Variants in CDYL observed in about 807,000 individuals in gnomAD.
The protein encoded by CDYL is chromodomain Y like, also known as chromodomain Y-like protein.
In CDYL, 8 loss-of-function variants were observed where a neutral mutation model predicts 47.3. That is an observed-to-expected ratio of 0.17 (90% CI 0.10 to 0.31). The LOEUF (loss-of-function observed/expected upper bound fraction) is 0.31. Ranked by LOEUF, CDYL falls within the 10% of genes least tolerant of loss-of-function variation. The probability of loss-of-function intolerance (pLI) is 1.00; values close to 1 mark genes in which losing one functional copy is unlikely to be tolerated. For missense variants in CDYL, 471 were observed against 701.4 expected, an observed-to-expected ratio of 0.67 and a Z score of 3.71; for synonymous variants, 266 against 265.0, an observed-to-expected ratio of 1.00 and a Z score of -0.04.
At chr6:4,952,965 A>G (rs968621219) in intron 6 of CDYL, among the ~76,000 whole-genome samples, 3 of 151,836 alleles carry the variant, frequency 2.0e-5, no homozygotes, top group Non-Finnish European at 4.4e-5. Context: ...ACGGAGTCTC[A>G]CCACGTTGGC....
At chr6:4,922,949 T>TG (rs1757760747) in intron 2 of CDYL, among the ~76,000 whole-genome samples, 6 of 152,192 alleles carry the variant, frequency 3.9e-5, no homozygotes, top group African/African-American at 9.7e-5. Flanking sequence ...TCCCCCCTTT[T>TG]ATTTTTTACT....
intron 2 of CDYL, chr6:4,724,398 T>G (rs371732203): frequency 6.6e-6 from 1 of 152,340 alleles, no homozygotes; most frequent in South Asian, 2.1e-4. Context: ...TCGTGTAACA[T>G]GTCAGGGCTT....
At chr6:4,848,991 A>C (rs1760745082) in intron 1 of CDYL, among the ~76,000 whole-genome samples, 1 of 152,258 alleles carries the variant, frequency 6.6e-6, no homozygotes, top group Non-Finnish European at 1.5e-5. Flanking sequence ...TTAAAAAGAT[A>C]AGTAATGTAA....
Position 4,937,553 on chromosome 6 carries a change from G to T in CDYL, c.949-12G>T. The T allele has an allele frequency of 6.6e-7, 1 of 1,518,212 alleles. No individual in the cohort carries two copies. Among genetic ancestry groups the T allele is most frequent in the South Asian group, 1.2e-5 (1 of 80,326 alleles). The allele number at this position is 1,518,212 out of a possible 1,614,324, so 94.0% of individuals were successfully genotyped here. ...AATATTCTTTGCCACTTTAACTTCTGGTGACTTTCAGGTAATGAGAGAAGT... is the reference window on the plus strand; with the variant it reads ...AATATTCTTTGCCACTTTAACTTCTTGTGACTTTCAGGTAATGAGAGAAGT... On this transcript the variant is annotated splice_polypyrimidine_tract_variant and intron_variant, in intron 3 of 6. Coordinates refer to ENST00000397588, the MANE Select transcript of CDYL (RefSeq NM_004824.4).
At chr6:4,834,319 T>A (rs1026408711) in intron 1 of CDYL, among the ~76,000 whole-genome samples, 1 of 149,870 alleles carries the variant, frequency 6.7e-6, no homozygotes, top group African/African-American at 2.4e-5. Context: ...ATTTTATTTC[T>A]CCTTCACTTA....
At chr6:4,786,646 G>C (rs1160484171) in intron 1 of CDYL, among the ~76,000 whole-genome samples, 1 of 152,106 alleles carries the variant, frequency 6.6e-6, no homozygotes, top group African/African-American at 2.4e-5. Context: ...CTCGAGTCTC[G>C]CTGTTTATTC....
Position 4,954,281 on chromosome 6 carries a change from A to T in CDYL, c.*225A>T. Reference sequence around the variant, plus strand: ...TTCTTTGTCCAAACGTCATTATTTTATACTTATATACACGCAGGTGTAAAA... The same window carrying T: ...TTCTTTGTCCAAACGTCATTATTTTTTACTTATATACACGCAGGTGTAAAA... On this transcript the variant is annotated 3_prime_UTR_variant, in exon 7 of 7. Coordinates refer to ENST00000397588, the MANE Select transcript of CDYL (RefSeq NM_004824.4). The T allele has an allele frequency of 2.4e-6, 1 of 420,844 alleles. No individual in the cohort carries two copies. The highest frequency in any genetic ancestry group is 4.2e-6 in the Non-Finnish European group (1 of 236,428). The allele number at this position is 420,844 out of a possible 1,614,324, so 26.1% of individuals were successfully genotyped here.
At chr6:4,946,648 G>T (rs1220960101) in intron 5 of CDYL, among the ~76,000 whole-genome samples, 1 of 152,172 alleles carries the variant, frequency 6.6e-6, no homozygotes, top group Non-Finnish European at 1.5e-5. Context: ...CTGTGCATCT[G>T]CCGCGGGCCC....
At chr6:4,736,033 ATGT>A (rs1325115794) in intron 3 of CDYL, among the ~76,000 whole-genome samples, 2 of 152,096 alleles carry the variant, frequency 1.3e-5, no homozygotes, top group Admixed American at 6.6e-5. Flanking sequence ...TATAAGGGAA[ATGT>A]TGTACCCTTT....
intron 3 of CDYL, among the ~76,000 whole-genome samples, chr6:4,768,573 T>C (rs143984683): frequency 1.3e-5 from 2 of 152,172 alleles, no homozygotes; most frequent in African/African-American, 2.4e-5. Context: ...TGAGTCTCAA[T>C]TGATATAAAA....
chr6:4,789,499 C>T (rs1250438581), intron 1 of CDYL, among the ~76,000 whole-genome samples: 1 of 152,134 alleles, frequency 6.6e-6, no homozygotes, highest in Non-Finnish European at 1.5e-5. Flanking sequence ...AGCCTCCCCG[C>T]CCTAGGCATC....
intron 1 of CDYL, among the ~76,000 whole-genome samples, chr6:4,888,181 G>A (rs1000956469): frequency 6.6e-6 from 1 of 152,076 alleles, no homozygotes; most frequent in Admixed American, 6.5e-5. Context: ...TTGGTATTAG[G>A]TAAATAGTGG....
chr6:4,920,183 T>C (rs905573393), intron 2 of CDYL, among the ~76,000 whole-genome samples: 1 of 151,920 alleles, frequency 6.6e-6, no homozygotes, highest in Non-Finnish European at 1.5e-5. Context: ...GCTTGGGGCG[T>C]GGGAGTGGAA....
intron 5 of CDYL, among the ~76,000 whole-genome samples, chr6:4,947,524 C>T (rs3789797): frequency 0.54 from 82,671 of 151,872 alleles, 24,216 homozygotes; most frequent in East Asian, 0.75. Context: ...TGTCCCTGCC[C>T]CTCACCTGTG....
chr6:4,842,969 T>C lies in CDYL; in HGVS notation c.25-48744T>C, dbSNP rs111673559. Among the ~76,000 whole-genome samples, 1,332 of 152,340 alleles carry C rather than the reference T, an allele frequency of 8.7e-3. 25 individuals carry two copies. Among genetic ancestry groups the C allele is most frequent in the African/African-American group, 0.031 (1,275 of 41,574 alleles). ...CAGTTTTTGTTTCAAGATTTATATC[T>C]CCTTTTAGCAGTTATTGTAGCGCTG... On this transcript the variant is annotated intron_variant, in intron 1 of 6. Coordinates refer to ENST00000397588, the MANE Select transcript of CDYL (RefSeq NM_004824.4).
At chr6:4,757,843 C>T (rs1265469915) in intron 3 of CDYL, among the ~76,000 whole-genome samples, 1 of 151,916 alleles carries the variant, frequency 6.6e-6, no homozygotes, top group Non-Finnish European at 1.5e-5. Flanking sequence ...TGTAGACCAG[C>T]CTGGGCAACA....
At chr6:4,936,474 A>G (rs1023581539) in intron 3 of CDYL, among the ~76,000 whole-genome samples, 2 of 152,244 alleles carry the variant, frequency 1.3e-5, no homozygotes, top group African/African-American at 2.4e-5. Flanking sequence ...AAACTTAACT[A>G]CAGAAAGTCT....
intron 1 of CDYL, among the ~76,000 whole-genome samples, chr6:4,879,060 A>C (rs1761692414): frequency 6.6e-6 from 1 of 152,148 alleles, no homozygotes; most frequent in Non-Finnish European, 1.5e-5. Flanking sequence ...ATAACCTGTA[A>C]GATATTCCAT....
chr6:4,913,631 ACT>A (rs1460315179), intron 2 of CDYL, among the ~76,000 whole-genome samples: 1 of 152,094 alleles, frequency 6.6e-6, no homozygotes, highest in African/African-American at 2.4e-5. Flanking sequence ...CTTCCAGGGA[ACT>A]CTCTATACTT....
Sources: gnomAD v4.1 joint callset for allele counts (sites outside exome capture counted in the v4.1 genomes callset) on GRCh38, gnomAD v4.1.1 for gene constraint, MANE v1.5 for transcripts, NCBI Gene and HGNC (gene_info 2026-07-23, HGNC 2026-07-21) for gene names.